CAPRIN2: variants seen among roughly 807,000 people sequenced by gnomAD.
CAPRIN2 encodes the protein caprin family member 2.
A neutral mutation model predicts 130.4 loss-of-function variants in CAPRIN2; 66 were observed. The ratio of observed to expected loss-of-function variants is 0.51; its 90% CI spans 0.42 to 0.62. The LOEUF is 0.62. Ranked by LOEUF, CAPRIN2 falls within the 20% of genes least tolerant of loss-of-function variation. The pLI is 0.00. For missense variants in CAPRIN2, 1,185 were observed against 1,246.6 expected, an observed-to-expected ratio of 0.95 and a Z score of 0.74; for synonymous variants, 471 against 444.1, an observed-to-expected ratio of 1.06 and a Z score of -0.76.
At chr12:30,741,027 C>T (rs750795608) in exon 3 of CAPRIN2, 3 of 1,604,380 alleles carry the variant, frequency 1.9e-6, no homozygotes, top group Non-Finnish European at 1.7e-6. Flanking sequence ...CACATCTAGG[C>T]TCAACCCAGA....
rs558955175 is a variant in CAPRIN2, at chr12:30,724,550, T to C, written c.1906-99A>G. 1.5e-5 allele frequency: 12 copies of C among 775,566 alleles called. No homozygotes were observed. In the South Asian group the frequency reaches 1.8e-4, roughly 12 times the overall value. 48.0% of individuals were successfully genotyped at this position (775,566 alleles called of 1,614,324 possible). ...ATGATGCTGCCTATAGTCTATTAGC[T>C]ACACATAAATATCTAGCTAAAGCTA... On this transcript the variant is annotated intron_variant, in intron 9 of 16. Transcript: ENST00000298892.
At chr12:30,724,333 A>T (rs778457921) in intron 10 of CAPRIN2, 37 bp downstream of exon 11, 2 of 1,247,196 alleles carry the variant, frequency 1.6e-6, no homozygotes. Flanking sequence ...CTGTTAGCTC[A>T]AGACGTTTGC....
exon 17 of CAPRIN2, chr12:30,709,985 A>G (rs763274346): frequency 1.9e-6 from 3 of 1,614,130 alleles, no homozygotes; most frequent in East Asian, 2.2e-5. Flanking sequence ...AGACGTAACC[A>G]TATCTGGTCT....
At chr12:30,726,081 T>C (rs1426402430) in exon 9 of CAPRIN2, 1 of 1,541,142 alleles carries the variant, frequency 6.5e-7, no homozygotes, top group East Asian at 2.3e-5. Flanking sequence ...ATGCACAGGC[T>C]TAGGCACCTA....
chr12:30,734,616 T>G (rs917581384), intron 4 of CAPRIN2, among the ~76,000 whole-genome samples: 14 of 152,118 alleles, frequency 9.2e-5, no homozygotes, highest in Non-Finnish European at 1.5e-5. Context: ...TCTGAGAAAA[T>G]TACTTTAAAA....
intron 12 of CAPRIN2, among the ~76,000 whole-genome samples, chr12:30,718,029 G>T (rs183229242): frequency 6.6e-6 from 1 of 152,128 alleles, no homozygotes; most frequent in Admixed American, 6.5e-5. Context: ...AATGTGTACC[G>T]GGTAGGATTC....
intron 15 of CAPRIN2, among the ~76,000 whole-genome samples, chr12:30,712,295 T>C (rs1362039167): frequency 1.3e-5 from 2 of 152,098 alleles, no homozygotes; most frequent in African/African-American, 4.8e-5. Context: ...ATAAAAATAA[T>C]AAAGCCTCTT....
chr12:30,743,172 T>C (rs1299614664), intron 2 of CAPRIN2, among the ~76,000 whole-genome samples: 1 of 130,920 alleles, frequency 7.6e-6, no homozygotes, highest in Non-Finnish European at 1.6e-5. Flanking sequence ...GAATTGTGCC[T>C]TCATACAAAA....
chr12:30,728,569 A>AAG, intron 8 of CAPRIN2, 79 bp downstream of exon 9: 3 of 1,257,872 alleles, frequency 2.4e-6, no homozygotes, highest in East Asian at 2.4e-5. Context: ...AAAAAAAAAA[A>AAG]AGAGAACTAA....
chr12:30,718,987 C>T (rs2058522915), intron 12 of CAPRIN2, 92 bp downstream of exon 14: 1 of 1,408,260 alleles, frequency 7.1e-7, no homozygotes, highest in Admixed American at 2.2e-5. Flanking sequence ...AAAAGGCAAA[C>T]TTTTCACATA....
intron 2 of CAPRIN2, among the ~76,000 whole-genome samples, chr12:30,741,330 A>G (rs1214614947): frequency 1.3e-5 from 2 of 152,140 alleles, no homozygotes; most frequent in East Asian, 1.9e-4. Flanking sequence ...TTCAATTTTT[A>G]TATTAGAAAT....
At chr12:30,723,458 A>T in intron 10 of CAPRIN2, 144 bp from the exon 12 acceptor site, 1 of 602,572 alleles carries the variant, frequency 1.7e-6, no homozygotes, top group Non-Finnish European at 2.9e-6. Flanking sequence ...ACTTTCTATT[A>T]GAGTTTTAAC....
chr12:30,728,044 AT>A (rs1388188769), intron 8 of CAPRIN2, among the ~76,000 whole-genome samples: 1 of 152,242 alleles, frequency 6.6e-6, no homozygotes, highest in Non-Finnish European at 1.5e-5. Flanking sequence ...ACTTGTTCAC[AT>A]TATGTCATTA....
intron 12 of CAPRIN2, among the ~76,000 whole-genome samples, chr12:30,718,008 G>A (rs1050183959): frequency 1.3e-5 from 2 of 152,144 alleles, no homozygotes; most frequent in Non-Finnish European, 2.9e-5. Context: ...ATCAATAAAT[G>A]AGTAAGAACC....
intron 1 of CAPRIN2, among the ~76,000 whole-genome samples, chr12:30,752,911 C>T (rs2074679399): frequency 1.3e-5 from 2 of 152,174 alleles, no homozygotes; most frequent in South Asian, 2.1e-4. Flanking sequence ...CCTAACACCA[C>T]AAAAGTAAGT....
At chr12:30,740,678 C>G (rs2067057475) in intron 3 of CAPRIN2, among the ~76,000 whole-genome samples, 1 of 152,120 alleles carries the variant, frequency 6.6e-6, no homozygotes, top group Admixed American at 6.5e-5. Context: ...AATTTACAAG[C>G]CTATATTCTA....
intron 2 of CAPRIN2, among the ~76,000 whole-genome samples, chr12:30,747,721 C>A (rs1019752981): frequency 6.6e-6 from 1 of 151,780 alleles, no homozygotes; most frequent in Admixed American, 6.6e-5. Flanking sequence ...AAGGCTAGAG[C>A]TGCCATAGAT....
chr12:30,737,990 AAAG>A (rs1313927326), intron 3 of CAPRIN2, among the ~76,000 whole-genome samples: 1 of 152,206 alleles, frequency 6.6e-6, no homozygotes, highest in Non-Finnish European at 1.5e-5. Flanking sequence ...ACAAGGTCGA[AAAG>A]AAGGACTTCC....
chr12:30,711,758 A>AT, intron 15 of CAPRIN2, 129 bp from the exon 18 acceptor site: 2 of 755,128 alleles, frequency 2.6e-6, no homozygotes, highest in Non-Finnish European at 4.7e-6. Context: ...CCCAGCAACC[A>AT]AAGAGGCTCA....
Sources: allele counts gnomAD v4.1 joint callset (sites outside exome capture counted in the v4.1 genomes callset), GRCh38; gene constraint gnomAD v4.1.1; transcripts MANE v1.5; gene names NCBI Gene and HGNC (gene_info 2026-07-23, HGNC 2026-07-21).